LINGO2: variants seen among roughly 807,000 people sequenced by gnomAD.
LINGO2 encodes leucine rich repeat and Ig domain containing 2.
A neutral mutation model predicts 30.6 loss-of-function variants in LINGO2; 14 were observed. The observed-to-expected ratio is 0.46, with a 90% CI of 0.30 to 0.72. The LOEUF (loss-of-function observed/expected upper bound fraction) is 0.72. Ranked by LOEUF, LINGO2 falls within the 30% of genes least tolerant of loss-of-function variation. LINGO2 has a pLI of 0.07. For missense variants in LINGO2, 729 were observed against 751.7 expected (o/e 0.97, Z 0.35); for synonymous variants, 317 against 288.5 (o/e 1.10, Z -1.00).
chr9:28,727,974 T>C, the LINGO2 span, among the ~76,000 whole-genome samples: 1 of 152,098 alleles, frequency 6.6e-6, no homozygotes, highest in Admixed American at 6.6e-5. Context: ...AGAAGGGCCA[T>C]GGGATCTCAA....
At chr9:28,983,091 A>G in the LINGO2 span, among the ~76,000 whole-genome samples, 2 of 152,096 alleles carry the variant, frequency 1.3e-5, no homozygotes, top group East Asian at 1.9e-4. Context: ...TGCCAATTTC[A>G]AGTTATAATT....
chr9:28,828,126 T>C, the LINGO2 span, among the ~76,000 whole-genome samples: 1 of 151,866 alleles, frequency 6.6e-6, no homozygotes, highest in South Asian at 2.1e-4. Context: ...CATATATTTA[T>C]GTAATAGTTA....
chr9:29,188,014 CTTTTTTTTTTT>C, the LINGO2 span, among the ~76,000 whole-genome samples: 31 of 75,776 alleles, frequency 4.1e-4, no homozygotes, highest in Middle Eastern at 0.013. Context: ...TTGACAGAGT[CTTTTTTTTTTT>C]TTTTTTTTTT....
intron 4 of LINGO2, among the ~76,000 whole-genome samples, chr9:28,292,401 C>A (rs913863198): frequency 2.6e-5 from 4 of 152,202 alleles, no homozygotes; most frequent in Non-Finnish European, 4.4e-5. Context: ...TTATTGATTT[C>A]TAGTGTAATT....
At chr9:28,436,615 G>A (rs1397098140) in intron 2 of LINGO2, among the ~76,000 whole-genome samples, 1 of 151,838 alleles carries the variant, frequency 6.6e-6, no homozygotes, top group Non-Finnish European at 1.5e-5. Flanking sequence ...CCGCCACCAC[G>A]ACCGGCTAAT....
chr9:28,566,435 C>G (rs1048921671), intron 1 of LINGO2, among the ~76,000 whole-genome samples: 2 of 152,078 alleles, frequency 1.3e-5, no homozygotes, highest in Admixed American at 1.3e-4. Context: ...ACATGAAATA[C>G]CCACCTTCTG....
chr9:27,939,098 T>A, the LINGO2 span: 1 of 152,200 alleles, frequency 6.6e-6, no homozygotes, highest in African/African-American at 2.4e-5. Flanking sequence ...TCAAGATCAA[T>A]ATTAGAGGCA....
chr9:28,355,578 G>C (rs752289067), intron 3 of LINGO2, among the ~76,000 whole-genome samples: 8 of 152,034 alleles, frequency 5.3e-5, no homozygotes, highest in Non-Finnish European at 1.0e-4. Context: ...GTGAAGGTGG[G>C]TCTGCAAATA....
chr9:28,933,528 C>CAG, the LINGO2 span, among the ~76,000 whole-genome samples: 5 of 151,790 alleles, frequency 3.3e-5, no homozygotes, highest in African/African-American at 9.7e-5. Context: ...GAATATATCA[C>CAG]GAGGCAGAAA....
Position 28,009,001 on chromosome 9 carries a change from G to A in LINGO2, c.-36+3354C>T, listed in dbSNP as rs57624749. Among the ~76,000 whole-genome samples, 169 of 152,250 alleles carry A rather than the reference G, an allele frequency of 1.1e-3. 1 individual carries two copies. The East Asian group carries it at 0.028, about 26-fold the overall frequency. On this transcript the variant is annotated intron_variant, in intron 5 of 5. Coordinates refer to ENST00000379992, the Ensembl canonical transcript of LINGO2. ...TATATTTGGATTATTCACACTTACCGATTTCAAAATTTACTATAAAGCAAC... is the reference window on the plus strand; with the variant it reads ...TATATTTGGATTATTCACACTTACCAATTTCAAAATTTACTATAAAGCAAC...
At chr9:28,962,427 A>AT in the LINGO2 span, among the ~76,000 whole-genome samples, 1 of 152,020 alleles carries the variant, frequency 6.6e-6, no homozygotes, top group Non-Finnish European at 1.5e-5. Flanking sequence ...TAGTTAAAAC[A>AT]TTTTTGCATT....
the LINGO2 span, among the ~76,000 whole-genome samples, chr9:28,720,922 C>T: frequency 6.6e-6 from 1 of 151,970 alleles, no homozygotes. Context: ...TAGTGAATCA[C>T]TGGAGTGTTG....
intron 1 of LINGO2, among the ~76,000 whole-genome samples, chr9:28,512,594 T>C (rs1368320151): frequency 3.1e-3 from 3 of 978 alleles, no homozygotes; most frequent in Non-Finnish European, 0.01. Flanking sequence ...TATATGTGTG[T>C]ATATATATAT....
intron 2 of LINGO2, among the ~76,000 whole-genome samples, chr9:28,474,887 T>G (rs1218961839): frequency 6.6e-6 from 1 of 152,170 alleles, no homozygotes; most frequent in Non-Finnish European, 1.5e-5. Context: ...ATAAATGAGG[T>G]AATTTTTTGT....
In LINGO2 at chr9:28,586,267, T is replaced by A. The variant is rs900936169; in HGVS notation, c.-365+83933A>T. ...GTCTCATTTAAAAAGAGCAACCTTATCCACACATTCTTCTACAACATGCCC... is the reference window on the plus strand; with the variant it reads ...GTCTCATTTAAAAAGAGCAACCTTAACCACACATTCTTCTACAACATGCCC... On this transcript the variant is annotated intron_variant, in intron 1 of 5. Coordinates refer to ENST00000379992, the Ensembl canonical transcript of LINGO2. Among the ~76,000 whole-genome samples, 5 of 152,032 alleles carry A rather than the reference T, an allele frequency of 3.3e-5. No homozygotes were observed. In the East Asian group the frequency reaches 7.7e-4, roughly 24 times the overall value.
intron 1 of LINGO2, among the ~76,000 whole-genome samples, chr9:28,482,058 A>G (rs1264819513): frequency 2.6e-5 from 4 of 152,020 alleles, no homozygotes; most frequent in Non-Finnish European, 4.4e-5. Context: ...AGTCTTTGCT[A>G]TTGTGAATAG....
At chr9:28,787,905 T>C in the LINGO2 span, among the ~76,000 whole-genome samples, 3 of 152,150 alleles carry the variant, frequency 2.0e-5, no homozygotes, top group Non-Finnish European at 4.4e-5. Context: ...ATTTTCTCTT[T>C]GCTTCAACAG....
chr9:28,958,366 C>G, the LINGO2 span, among the ~76,000 whole-genome samples: 1 of 151,970 alleles, frequency 6.6e-6, no homozygotes, highest in Admixed American at 6.6e-5. Context: ...AGTATCTAGG[C>G]AAAAAGACAA....
the LINGO2 span, among the ~76,000 whole-genome samples, chr9:28,970,759 G>A: frequency 4.6e-5 from 7 of 152,164 alleles, no homozygotes; most frequent in Admixed American, 3.3e-4. Context: ...GACACAATAG[G>A]CTAAAGTGCT....
Sources: gnomAD v4.1 joint callset for allele counts (sites outside exome capture counted in the v4.1 genomes callset) on GRCh38, gnomAD v4.1.1 for gene constraint, MANE v1.5 for transcripts, NCBI Gene and HGNC (gene_info 2026-07-23, HGNC 2026-07-21) for gene names.